The following PCDH9 variants were observed in gnomAD, a reference collection of about 807,000 sequenced individuals.
PCDH9 encodes the protein protocadherin 9, also known as protocadherin-9.
Under a neutral mutation model 70.6 loss-of-function variants are expected in PCDH9, and 24 were observed. The ratio of observed to expected loss-of-function variants is 0.34; its 90% CI spans 0.25 to 0.48. The LOEUF is 0.48. PCDH9 is among the 20% of genes least tolerant of loss of function. The probability of loss-of-function intolerance (pLI) is 0.99; values close to 1 mark genes in which losing one functional copy is unlikely to be tolerated. For synonymous variants in PCDH9, 562 were observed against 558.5 expected, an observed-to-expected ratio of 1.01 and a Z score of -0.09; for missense variants, 1,281 against 1,503.6, an observed-to-expected ratio of 0.85 and a Z score of 2.45.
At chr13:66,613,247 C>T (rs574556081) in intron 4 of PCDH9, among the ~76,000 whole-genome samples, 16 of 152,232 alleles carry the variant, frequency 1.1e-4, no homozygotes, top group Non-Finnish European at 1.9e-4. Flanking sequence ...CAGACTTCCC[C>T]GTCCCTGGCT....
intron 3 of PCDH9, among the ~76,000 whole-genome samples, chr13:66,896,897 T>C (rs889734882): frequency 3.9e-5 from 6 of 152,154 alleles, no homozygotes; most frequent in Non-Finnish European, 7.4e-5. Flanking sequence ...TTAAGTAAAA[T>C]TCTCATTTTT....
intron 2 of PCDH9, among the ~76,000 whole-genome samples, chr13:67,146,217 T>A (rs2087519779): frequency 6.6e-6 from 1 of 152,122 alleles, no homozygotes; most frequent in Non-Finnish European, 1.5e-5. Context: ...AGAACAGAAA[T>A]CCCTGTATTT....
At chr13:66,539,067 C>T (rs902808090) in intron 4 of PCDH9, among the ~76,000 whole-genome samples, 1 of 151,892 alleles carries the variant, frequency 6.6e-6, no homozygotes, top group African/African-American at 2.4e-5. Context: ...AAATGTACAA[C>T]AAAATATATG....
intron 2 of PCDH9, among the ~76,000 whole-genome samples, chr13:67,051,065 C>T (rs1022544183): frequency 2.0e-5 from 3 of 152,070 alleles, no homozygotes; most frequent in African/African-American, 7.2e-5. Context: ...CAAATGATGA[C>T]GCAGTAGCAC....
At chr13:66,351,862 A>G (rs931000724) in intron 4 of PCDH9, among the ~76,000 whole-genome samples, 1 of 149,360 alleles carries the variant, frequency 6.7e-6, no homozygotes, top group East Asian at 2.0e-4. Flanking sequence ...TTTTTAAGAC[A>G]GAGATTCACT....
At chr13:67,142,963 T>C (rs931232554) in intron 2 of PCDH9, among the ~76,000 whole-genome samples, 14 of 151,570 alleles carry the variant, frequency 9.2e-5, no homozygotes, top group African/African-American at 3.2e-4. Context: ...GAGCCGAGAT[T>C]GCACCACTGC....
chr13:66,876,277 G>A (rs1379734441), intron 3 of PCDH9, among the ~76,000 whole-genome samples: 1 of 152,044 alleles, frequency 6.6e-6, no homozygotes, highest in Non-Finnish European at 1.5e-5. Context: ...TTCAATTACT[G>A]TGTATCTGTC....
chr13:66,822,605 C>A (rs914787408), intron 3 of PCDH9, among the ~76,000 whole-genome samples: 8 of 150,024 alleles, frequency 5.3e-5, no homozygotes, highest in Non-Finnish European at 1.2e-4. Context: ...TGGCTTACTG[C>A]AGCCTCTCCT....
intron 4 of PCDH9, among the ~76,000 whole-genome samples, chr13:66,357,425 A>G (rs899345766): frequency 3.3e-5 from 5 of 152,096 alleles, no homozygotes; most frequent in Admixed American, 2.6e-4. Flanking sequence ...TATTTTCCCC[A>G]TAAAAGTAGG....
chr13:66,829,667 G>C (rs968037428), intron 3 of PCDH9, among the ~76,000 whole-genome samples: 1 of 122,022 alleles, frequency 8.2e-6, no homozygotes, highest in African/African-American at 3.0e-5. Context: ...GCAGTGAGCC[G>C]AGATCGCGCC....
chr13:66,623,514 C>T (rs1197693796), intron 4 of PCDH9, among the ~76,000 whole-genome samples: 2 of 152,144 alleles, frequency 1.3e-5, no homozygotes, highest in Non-Finnish European at 2.9e-5. Context: ...TCATAGCTTA[C>T]TGCAAGCTCA....
At chr13:67,075,443 G>A in intron 2 of PCDH9, among the ~76,000 whole-genome samples, 1 of 152,050 alleles carries the variant, frequency 6.6e-6, no homozygotes, top group Non-Finnish European at 1.5e-5. Flanking sequence ...TACAAGAATG[G>A]AGAACCTAGG....
intron 4 of PCDH9, among the ~76,000 whole-genome samples, chr13:66,395,242 A>G (rs1207646856): frequency 6.6e-6 from 1 of 152,214 alleles, no homozygotes; most frequent in Non-Finnish European, 1.5e-5. Flanking sequence ...CTTCTTGAGT[A>G]ATATTGATAC....
chr13:66,842,568 GA>G (rs1406095530), intron 3 of PCDH9, among the ~76,000 whole-genome samples: 1 of 152,058 alleles, frequency 6.6e-6, no homozygotes, highest in Non-Finnish European at 1.5e-5. Flanking sequence ...TCATATTATA[GA>G]AATAGGGACA....
At chr13:66,431,683 C>A (rs544224470) in intron 4 of PCDH9, among the ~76,000 whole-genome samples, 11 of 151,956 alleles carry the variant, frequency 7.2e-5, no homozygotes, top group Non-Finnish European at 1.0e-4. Context: ...GCATAAAGAT[C>A]TTTCACTTAA....
intron 4 of PCDH9, among the ~76,000 whole-genome samples, chr13:66,534,900 T>C (rs930593465): frequency 6.6e-6 from 1 of 152,128 alleles, no homozygotes; most frequent in Non-Finnish European, 1.5e-5. Flanking sequence ...TGACACAAGC[T>C]ATAGTTATTA....
intron 2 of PCDH9, among the ~76,000 whole-genome samples, chr13:67,131,561 C>T (rs890452222): frequency 1.3e-5 from 2 of 151,838 alleles, no homozygotes; most frequent in African/African-American, 4.8e-5. Flanking sequence ...TAAAATTAAA[C>T]CAGGTTTAAA....
chr13:66,894,636 T>A lies in PCDH9; in HGVS notation c.3138+8868A>T, dbSNP rs1310344156. ...CCAAACAATATCTCACAGCCTCTGATGTTATTATTACATGTGACCATAGAG... is the reference window on the plus strand; with the variant it reads ...CCAAACAATATCTCACAGCCTCTGAAGTTATTATTACATGTGACCATAGAG... On this transcript the variant is annotated intron_variant, in intron 3 of 4. Coordinates refer to ENST00000377865, the MANE Select transcript of PCDH9 (RefSeq NM_203487.3). Among the ~76,000 whole-genome samples, 3 of 152,180 alleles carry A rather than the reference T, an allele frequency of 2.0e-5. No homozygotes were observed. In the South Asian group the frequency reaches 6.2e-4, roughly 31 times the overall value.
chr13:66,773,251 C>T (rs1217100459), intron 3 of PCDH9, among the ~76,000 whole-genome samples: 3 of 152,150 alleles, frequency 2.0e-5, no homozygotes, highest in Admixed American at 6.5e-5. Flanking sequence ...TATATATGTG[C>T]TCTCCAATAC....
Sources: gnomAD v4.1 joint callset for allele counts (sites outside exome capture counted in the v4.1 genomes callset) on GRCh38, gnomAD v4.1.1 for gene constraint, MANE v1.5 for transcripts, NCBI Gene and HGNC (gene_info 2026-07-23, HGNC 2026-07-21) for gene names.